Variants in CARD19 observed in about 807,000 individuals in gnomAD.
CARD19 encodes caspase recruitment domain family member 19.
A neutral mutation model predicts 24.1 loss-of-function variants in CARD19; 25 were observed. The observed-to-expected ratio is 1.04, with a 90% CI of 0.76 to 1.45. The LOEUF (loss-of-function observed/expected upper bound fraction) is 1.45, where lower values mean the gene tolerates loss of function less well. CARD19 is among the 40% of genes most tolerant of loss of function. The pLI, the probability that CARD19 is intolerant of heterozygous loss-of-function variation, is 0.00. For synonymous variants in CARD19, 103 were observed against 104.9 expected, an observed-to-expected ratio of 0.98 and a Z score of 0.11; for missense variants, 241 against 247.4, an observed-to-expected ratio of 0.97 and a Z score of 0.17.
chr9:93,106,169 T>TA, intron 1 of CARD19, among the ~76,000 whole-genome samples: 1 of 152,164 alleles, frequency 6.6e-6, no homozygotes, highest in East Asian at 1.9e-4. Flanking sequence ...GGGTTTTTTT[T>TA]ACATCCTTTC....
Position 93,113,064 on chromosome 9 carries a change from G to C in CARD19, c.509G>C (p.Arg170Pro). 6.2e-7 allele frequency: 1 copy of C among 1,600,394 alleles called. No individual in the cohort carries two copies. ...SPVIIDRHVS[R>P]YLLAFLADDL... ...GTCATCATCGACAGACATGTCAGCC[G>C]CTACCTGCTGGCCTTCCTGGCAGAT... is the stretch of plus-strand genomic sequence containing the variant. Residue 170 changes from arginine (R) to proline (P), a missense_variant, in exon 6 of 6, where the codon CGC becomes CCC. Coordinates refer to ENST00000375464, the MANE Select transcript of CARD19 (RefSeq NM_032310.5).
chr9:93,102,667 T>A (rs1587639353), intron 1 of CARD19, among the ~76,000 whole-genome samples: 1 of 141,898 alleles, frequency 7.0e-6, no homozygotes, highest in Non-Finnish European at 1.5e-5. Context: ...TTTTTTTTTT[T>A]AAGATTTTTG....
intron 1 of CARD19, 43 bp from the exon 2 acceptor site, chr9:93,107,631 C>G (rs769518573): frequency 1.2e-6 from 2 of 1,611,460 alleles, no homozygotes; most frequent in South Asian, 1.1e-5. Context: ...TCTCTGGTCC[C>G]CTTGGGCTGT....
intron 1 of CARD19, among the ~76,000 whole-genome samples, chr9:93,106,111 C>G (rs1404151001): frequency 6.6e-6 from 1 of 152,002 alleles, no homozygotes; most frequent in Non-Finnish European, 1.5e-5. Flanking sequence ...TCTATTTTGT[C>G]TGATATTAGT....
intron 1 of CARD19, among the ~76,000 whole-genome samples, chr9:93,105,004 C>T (rs1827200276): frequency 6.6e-6 from 1 of 152,098 alleles, no homozygotes; most frequent in African/African-American, 2.4e-5. Flanking sequence ...TTAGTTTGCT[C>T]TTCAAGCTCT....
chr9:93,103,702 T>G (rs1827160424), intron 1 of CARD19, among the ~76,000 whole-genome samples: 1 of 152,232 alleles, frequency 6.6e-6, no homozygotes, highest in Admixed American at 6.5e-5. Context: ...AGGCTCATGC[T>G]TCTAGAGTTT....
rs564560485 is a variant in CARD19 at position 93,103,288 on chromosome 9, A to G, written c.8-4386A>G. 7.2e-5 allele frequency among the ~76,000 whole-genome samples: 11 copies of G among 152,318 alleles called. No homozygotes were observed. In the South Asian group the frequency reaches 2.3e-3, roughly 32 times the overall value. On this transcript the variant is annotated intron_variant, in intron 1 of 5. Coordinates refer to ENST00000375464, the MANE Select transcript of CARD19 (RefSeq NM_032310.5). ...TTCATATAAAAATGTCCTTCAATAT[A>G]TGAGGTGGGATGGTTCCAGGAATCC...
At chr9:93,110,932 C>T in intron 3 of CARD19, 12 of 1,531,798 alleles carry the variant, frequency 7.8e-6, no homozygotes, top group Non-Finnish European at 1.0e-5. Context: ...ATGTTGGTCT[C>T]TGTCTCCCAC....
At chr9:93,107,320 C>T (rs571868019) in intron 1 of CARD19, among the ~76,000 whole-genome samples, 1 of 152,366 alleles carries the variant, frequency 6.6e-6, no homozygotes, top group African/African-American at 2.4e-5. Flanking sequence ...CCACCTGTGC[C>T]ACCTGTACCT....
intron 1 of CARD19, among the ~76,000 whole-genome samples, chr9:93,100,114 G>A (rs1411314574): frequency 6.6e-6 from 1 of 152,250 alleles, no homozygotes; most frequent in Admixed American, 6.5e-5. Flanking sequence ...TCAGTCTGTA[G>A]GGTCTGCACA....
rs755931829 is a variant in CARD19, at chr9:93,113,111, A to G, written c.*4A>G. On this transcript the variant is annotated 3_prime_UTR_variant, in exon 6 of 6. Transcript: ENST00000375464. ...AGATGACCTAGGGGGGCTCTGACAG[A>G]CCCTGGACCCAGGGCCTCACCTGCC... 1 of 1,544,012 alleles carries G rather than the reference A, an allele frequency of 6.5e-7. No homozygotes were observed. Among genetic ancestry groups the G allele is most frequent in the Non-Finnish European group, 8.8e-7 (1 of 1,142,134 alleles).
Position 93,113,045 on chromosome 9 carries a change from A to G in CARD19, c.490A>G (p.Ile164Val). 6.2e-7 allele frequency: 1 copy of G among 1,607,962 alleles called. No homozygotes were observed. The highest frequency in any genetic ancestry group is 8.5e-7 in the Non-Finnish European group (1 of 1,177,042). Residue 164 changes from isoleucine to valine, a missense_variant, in exon 6 of 6, where the codon ATC becomes GTC. By Grantham distance (29) the Ile-to-Val change is conservative. Coordinates refer to ENST00000375464, the MANE Select transcript of CARD19 (RefSeq NM_032310.5). ...CGTCCTCGGTTTCTCGCCTGTCATC[A>G]TCGACAGACATGTCAGCCGCTACCT... ...RRVLGFSPVI[I>V]DRHVSRYLLA...
At chr9:93,104,892 C>T (rs1043767533) in intron 1 of CARD19, among the ~76,000 whole-genome samples, 20 of 152,070 alleles carry the variant, frequency 1.3e-4, no homozygotes, top group Admixed American at 3.9e-4. Context: ...ATCAAAGAAT[C>T]AACTTTGGTT....
chr9:93,103,574 A>G (rs1236015211), intron 1 of CARD19, among the ~76,000 whole-genome samples: 1 of 152,228 alleles, frequency 6.6e-6, no homozygotes, highest in South Asian at 2.1e-4. Flanking sequence ...CTGCAGAGAT[A>G]GAGTGCCAAC....
intron 1 of CARD19, among the ~76,000 whole-genome samples, chr9:93,100,069 C>T (rs1329070463): frequency 1.3e-5 from 2 of 152,124 alleles, no homozygotes; most frequent in South Asian, 2.1e-4. Flanking sequence ...CCGCACAGGG[C>T]GAGCGTACTG....
intron 5 of CARD19, 146 bp from the exon 6 acceptor site, chr9:93,112,846 T>C (rs1827553463): frequency 1.7e-6 from 1 of 587,128 alleles, no homozygotes; most frequent in Non-Finnish European, 3.0e-6. Context: ...CTAATTCTTG[T>C]CTTTTCAACT....
Position 93,110,664 on chromosome 9 carries a change from G to A in CARD19, c.247G>A (p.Ala83Thr), listed in dbSNP as rs754503680. ...GERDCQEFYRALYIHAQPLHS... is the reference protein window; with the variant it reads ...GERDCQEFYRTLYIHAQPLHS... ...GCGGGACTGCCAGGAGTTCTACCGA[G>A]CCCTGTATATCCATGCCCAGCCCCT... Residue 83 changes from alanine to threonine, a missense_variant, in exon 3 of 6, where the codon GCC (alanine) becomes ACC (threonine). By Grantham distance (58) the Ala-to-Thr change is moderately conservative. Coordinates refer to ENST00000375464, the MANE Select transcript of CARD19 (RefSeq NM_032310.5). 3 of 1,613,594 alleles carry A rather than the reference G, an allele frequency of 1.9e-6. No homozygotes were observed. Among genetic ancestry groups the A allele is most frequent in the Non-Finnish European group, 2.5e-6 (3 of 1,180,020 alleles).
rs756989912 is a variant in CARD19, at chr9:93,096,329, G to T, written c.-17G>T. 186 of 1,225,718 alleles carry T rather than the reference G, an allele frequency of 1.5e-4. No homozygotes were observed. Among genetic ancestry groups the T allele is most frequent in the Admixed American group, 3.0e-4 (7 of 23,466 alleles). 75.9% of individuals were successfully genotyped at this position (1,225,718 alleles called of 1,614,324 possible). On this transcript the variant is annotated 5_prime_UTR_variant, in exon 1 of 6. Coordinates refer to ENST00000375464, the MANE Select transcript of CARD19 (RefSeq NM_032310.5). The surrounding 1 kb of genome is among the most constrained non-coding windows in gnomAD (Gnocchi z 5.4). Reference sequence around the variant, plus strand: ...GGCAGACCGCTGGGGACTGCGGGCGGCGCTGTGTCCGTCGCCATGACAGGT... The same window carrying T: ...GGCAGACCGCTGGGGACTGCGGGCGTCGCTGTGTCCGTCGCCATGACAGGT...
chr9:93,107,738 T>G lies in CARD19; in HGVS notation c.72T>G (p.Ser24Arg), dbSNP rs757386400. 10 of 1,614,034 alleles carry G rather than the reference T, an allele frequency of 6.2e-6. No homozygotes were observed. In the African/African-American group the frequency reaches 1.2e-4, roughly 19 times the overall value. The change falls in exon 2 of 6, where the codon AGT becomes AGG. Residue 24 changes from serine (S) to arginine (R), a missense_variant. Ser to Arg is a moderately radical substitution (Grantham distance 110, BLOSUM62 -1). Transcript: ENST00000375464. ...TCCTGACAGGCCATGGGCGCTTGAG[T>G]GAGCAGCAGGTGGACAGGATCATCC... ...TPFLTGHGRLSEQQVDRIILQ... is the reference protein window; with the variant it reads ...TPFLTGHGRLREQQVDRIILQ...
Sources: allele counts gnomAD v4.1 joint callset (sites outside exome capture counted in the v4.1 genomes callset), GRCh38; gene constraint gnomAD v4.1.1; non-coding constraint Gnocchi (gnomAD v3.1); transcripts MANE v1.5; gene names NCBI Gene and HGNC (gene_info 2026-07-23, HGNC 2026-07-21).